SLC28A2: variants seen among roughly 807,000 people sequenced by gnomAD.
SLC28A2 encodes sodium/nucleoside cotransporter 2.
A neutral mutation model predicts 72.9 loss-of-function variants in SLC28A2; 69 were observed. That is an observed-to-expected ratio of 0.95 (90% confidence interval 0.78 to 1.16). SLC28A2 has a LOEUF of 1.16. SLC28A2 is among the 50% of genes most tolerant of loss of function. The pLI, the probability that SLC28A2 is intolerant of heterozygous loss-of-function variation, is 0.00. For missense variants in SLC28A2, 745 were observed against 791.1 expected (o/e 0.94, Z 0.70); for synonymous variants, 296 against 294.1 (o/e 1.01, Z -0.07).
rs1161689589 is a variant in SLC28A2 at position 45,265,960 on chromosome 15, T to G, written c.862-121T>G. 3 of 763,598 alleles carry G rather than the reference T, an allele frequency of 3.9e-6. No homozygotes were observed. In the African/African-American group the frequency reaches 5.3e-5, roughly 13 times the overall value. 47.3% of individuals were successfully genotyped at this position (763,598 alleles called of 1,614,324 possible). A position where few individuals can be genotyped will look rare whatever the true frequency, so the allele number is the denominator to read the frequency against. ...CTAAGTTGGTTTTTGGCCCTAGGCT[T>G]GCTGCTCTACTTCTCTAGGCCTCAG... On this transcript the variant is annotated intron_variant, in intron 9 of 17. Transcript: ENST00000347644.
chr15:45,268,947 C>T (rs1406499273), intron 13 of SLC28A2, among the ~76,000 whole-genome samples: 2 of 140,616 alleles, frequency 1.4e-5, no homozygotes, highest in Non-Finnish European at 1.5e-5. Flanking sequence ...TGTTCTCACT[C>T]ATAGGTGGGA....
rs1180478392 is a variant in SLC28A2 at position 45,275,425 on chromosome 15, CT to C, written c.1894del (p.Ser632LeufsTer31). The C allele has an allele frequency of 6.2e-7, 1 of 1,613,470 alleles. No homozygotes were observed. Among genetic ancestry groups the C allele is most frequent in the African/African-American group, 1.3e-5 (1 of 74,894 alleles). On this transcript the variant is annotated frameshift_variant, in exon 18 of 18. Coordinates refer to ENST00000347644, the MANE Select transcript of SLC28A2 (RefSeq NM_004212.4). LOFTEE classifies it high-confidence loss of function. ...STSLNGTNPP[S>X]FSGPWEDKEF... ...TCTCTGAATGGCACCAACCCTCCTT[CT>C]TTTTCTGGTCCCTGGGAAGATAAGG...
Position 45,253,613 on chromosome 15 carries a change from C to T in SLC28A2, c.170+93C>T, listed in dbSNP as rs1899879644. The stretch of plus-strand genomic sequence containing the variant: ...TGTGGTATTATCACAACCGCTCCAC[C>T]TTACCATGTGTACATATATATATGT... On this transcript the variant is annotated intron_variant, in intron 3 of 17. Coordinates refer to ENST00000347644, the MANE Select transcript of SLC28A2 (RefSeq NM_004212.4). 1.6e-5 allele frequency: 11 copies of T among 698,756 alleles called. 1 individual carries two copies. In the South Asian group the frequency reaches 1.8e-4, roughly 12 times the overall value. 43.3% of individuals were successfully genotyped at this position (698,756 alleles called of 1,614,324 possible).
At chr15:45,268,128 T>C (rs1718959150) in intron 12 of SLC28A2, 82 bp from the exon 13 acceptor site, 4 of 1,381,960 alleles carry the variant, frequency 2.9e-6, no homozygotes, top group South Asian at 1.3e-5. Flanking sequence ...TCCTGCACGA[T>C]AGGGACAGTG....
Position 45,275,751 on chromosome 15 carries a change from C to G in SLC28A2, c.*238C>G, listed in dbSNP as rs1173610648. ...GAGATCGAGACCATCCTGGCTAACA[C>G]AGTGAAACCCCGTCTCTACTAAAAA... is the stretch of plus-strand genomic sequence containing the variant. On this transcript the variant is annotated 3_prime_UTR_variant, in exon 18 of 18. Coordinates refer to ENST00000347644, the MANE Select transcript of SLC28A2 (RefSeq NM_004212.4). The G allele has an allele frequency of 3.1e-6, 1 of 317,618 alleles. No homozygotes were observed. The highest frequency in any genetic ancestry group is 2.2e-5 in the African/African-American group (1 of 46,116). The allele number at this position is 317,618 out of a possible 1,614,324, so 19.7% of individuals were successfully genotyped here. A position where few individuals can be genotyped will look rare whatever the true frequency, so the allele number is the denominator to read the frequency against.
intron 7 of SLC28A2, 34 bp downstream of exon 7, chr15:45,264,802 T>C (rs770162684): frequency 3.1e-6 from 4 of 1,303,206 alleles, no homozygotes; most frequent in Admixed American, 3.4e-5. Context: ...CTTTTCTCTT[T>C]TAGAACCCTA....
chr15:45,275,864 G>A lies in SLC28A2; in HGVS notation c.*351G>A, dbSNP rs1348723066. On this transcript the variant is annotated 3_prime_UTR_variant, in exon 18 of 18. Coordinates refer to ENST00000347644, the MANE Select transcript of SLC28A2 (RefSeq NM_004212.4). ...GCAGGAGAATGGCGTGAATCCGGGA[G>A]GCGGAGCTTGCAGCGAGCCAAGATC... The A allele has an allele frequency of 6.2e-6, 1 of 160,046 alleles. No homozygotes were observed. Among genetic ancestry groups the A allele is most frequent in the Admixed American group, 6.3e-5 (1 of 15,770 alleles). The allele number at this position is 160,046 out of a possible 1,614,324, so 9.9% of individuals were successfully genotyped here. A position where few individuals can be genotyped will look rare whatever the true frequency, so the allele number is the denominator to read the frequency against.
intron 14 of SLC28A2, among the ~76,000 whole-genome samples, 162 bp from the exon 15 acceptor site, chr15:45,270,033 A>G (rs1900497173): frequency 1.3e-5 from 2 of 152,104 alleles, no homozygotes; most frequent in Admixed American, 1.3e-4. Context: ...CATTATCCCT[A>G]TAGTAACTCA....
chr15:45,270,210 A>G lies in SLC28A2; in HGVS notation c.1582A>G (p.Ile528Val). 1.2e-6 allele frequency: 2 copies of G among 1,613,362 alleles called. No homozygotes were observed. Among genetic ancestry groups the G allele is most frequent in the African/African-American group, 1.3e-5 (1 of 75,044 alleles). Residue 528 changes from isoleucine to valine, a missense_variant, in exon 15 of 18, where the codon ATT becomes GTT. Ile to Val is a conservative substitution (Grantham distance 29). Coordinates refer to ENST00000347644, the MANE Select transcript of SLC28A2 (RefSeq NM_004212.4). ...TTTTCCCTAGGTGAGAGCTGAAATC[A>G]TTACAACATTTTCACTCTGTGGATT... ...KQWISVRAEI[I>V]TTFSLCGFAN...
At chr15:45,253,076 C>A in intron 1 of SLC28A2, 124 bp from the exon 2 acceptor site, 1 of 585,374 alleles carries the variant, frequency 1.7e-6, no homozygotes, top group South Asian at 2.4e-5. Flanking sequence ...TTAAAGAAAT[C>A]AACTAAGCCT....
In SLC28A2 at chr15:45,253,508, C is replaced by A. The variant is rs372018006; in HGVS notation, c.158C>A (p.Ser53Tyr). 19 of 1,611,304 alleles carry A rather than the reference C, an allele frequency of 1.2e-5. No individual in the cohort carries two copies. Among genetic ancestry groups the A allele is most frequent in the Non-Finnish European group, 1.6e-5 (19 of 1,177,638 alleles). The part of the protein sequence containing the change: ...GHSLGDGLGP[S>Y]TYQRRSRWPF... ...AGCCTGGGGGATGGACTGGGCCCTT[C>A]CACTTACCAGAGGTACTGGTGTTTT... The change falls in exon 3 of 18, where the codon TCC (serine) becomes TAC (tyrosine). Residue 53 changes from serine to tyrosine, a missense_variant. Physicochemically the swap from Ser to Tyr is moderately radical, Grantham distance 144. Coordinates refer to ENST00000347644, the MANE Select transcript of SLC28A2 (RefSeq NM_004212.4).
At position 45,275,813 on chromosome 15, in the gene SLC28A2, T is replaced by C. The variant is rs948024633; in HGVS notation, c.*300T>C. 1.1e-5 allele frequency: 2 copies of C among 189,562 alleles called. No homozygotes were observed. The highest frequency in any genetic ancestry group is 5.8e-5 in the Admixed American group (1 of 17,296). 11.7% of individuals were successfully genotyped at this position (189,562 alleles called of 1,614,324 possible). On this transcript the variant is annotated 3_prime_UTR_variant, in exon 18 of 18. Transcript: ENST00000347644. ...AGCCGGGAGTGGTGTCGGGCGACTGTAGTCCCAGCTACTCGCGAGGCTGAG... is the reference window on the plus strand; with the variant it reads ...AGCCGGGAGTGGTGTCGGGCGACTGCAGTCCCAGCTACTCGCGAGGCTGAG...
chr15:45,259,745 C>A (rs1253417248), intron 3 of SLC28A2, among the ~76,000 whole-genome samples: 1 of 152,188 alleles, frequency 6.6e-6, no homozygotes, highest in Non-Finnish European at 1.5e-5. Context: ...AGAAATGCTC[C>A]TTTCCCTGAT....
chr15:45,273,974 T>C (rs1325223610), intron 17 of SLC28A2, among the ~76,000 whole-genome samples: 1 of 152,082 alleles, frequency 6.6e-6, no homozygotes, highest in Non-Finnish European at 1.5e-5. Flanking sequence ...TTTATTGTAT[T>C]GAGATGGGGT....
intron 3 of SLC28A2, 30 bp from the exon 4 acceptor site, chr15:45,261,985 C>G: frequency 7.1e-7 from 1 of 1,412,424 alleles, no homozygotes. Flanking sequence ...TGGAGTAATT[C>G]TTGTATCTTA....
chr15:45,268,778 C>T (rs965977725), intron 13 of SLC28A2, among the ~76,000 whole-genome samples: 5 of 152,008 alleles, frequency 3.3e-5, no homozygotes, highest in African/African-American at 1.2e-4. Flanking sequence ...AAATGTCCAA[C>T]AATGATAGAC....
In SLC28A2 at chr15:45,270,609, TAAAG is replaced by T. The variant is rs1900520659; in HGVS notation, c.1648+335_1648+338del. Among the ~76,000 whole-genome samples, 3 of 151,844 alleles carry T rather than the reference TAAAG, an allele frequency of 2.0e-5. No homozygotes were observed. In the South Asian group the frequency reaches 6.2e-4, roughly 32 times the overall value. ...TAAATTGGAATAGTGCATATATAAATAAAGATATTTATTTATTTATTTATTTAAT... is the reference window on the plus strand; with the variant it reads ...TAAATTGGAATAGTGCATATATAAATATATTTATTTATTTATTTATTTAAT... On this transcript the variant is annotated intron_variant, in intron 15 of 17. Coordinates refer to ENST00000347644, the MANE Select transcript of SLC28A2 (RefSeq NM_004212.4).
Position 45,272,734 on chromosome 15 carries a change from C to T in SLC28A2, c.1809C>T (p.Phe603=), listed in dbSNP as rs747989023. The T allele has an allele frequency of 1.2e-6, 2 of 1,613,242 alleles. No individual in the cohort carries two copies. Among genetic ancestry groups the T allele is most frequent in the African/African-American group, 1.3e-5 (1 of 75,032 alleles). The change falls in exon 17 of 18, where the codon TTC becomes TTT. Residue 603 remains phenylalanine, a synonymous_variant. Coordinates refer to ENST00000347644, the MANE Select transcript of SLC28A2 (RefSeq NM_004212.4). ...ADCVSFPNTS[F]TNRTYETYMC... ...GTGTCTCCTTCCCAAACACAAGTTT[C>T]ACCAATAGAACCTATGAGACCTACA...
chr15:45,270,055 T>C lies in SLC28A2; in HGVS notation c.1567-140T>C, dbSNP rs180891221. ...CCTATAGTAACTCAGGGAACAGTTG[T>C]TTTCTGAGCATCCTTTCATGTTCCT... On this transcript the variant is annotated intron_variant, in intron 14 of 17. Coordinates refer to ENST00000347644, the MANE Select transcript of SLC28A2 (RefSeq NM_004212.4). The C allele has an allele frequency of 5.1e-5, 33 of 645,098 alleles. No homozygotes were observed. In the African/African-American group the frequency reaches 5.6e-4, roughly 11 times the overall value. 40.0% of individuals were successfully genotyped at this position (645,098 alleles called of 1,614,324 possible).
Sources: allele counts gnomAD v4.1 joint callset (sites outside exome capture counted in the v4.1 genomes callset), GRCh38; gene constraint gnomAD v4.1.1; transcripts MANE v1.5; gene names NCBI Gene and HGNC (gene_info 2026-07-23, HGNC 2026-07-21).